PCDH17: variants seen among roughly 807,000 people sequenced by gnomAD.
PCDH17 encodes the protein protocadherin-17.
Under a neutral mutation model 67.7 loss-of-function variants are expected in PCDH17, and 21 were observed. The ratio of observed to expected loss-of-function variants is 0.31; its 90% CI spans 0.22 to 0.45. The LOEUF is 0.45. Among genes scored for constraint, PCDH17 ranks in the 20% least tolerant of loss-of-function variants. PCDH17 has a pLI of 1.00. For synonymous variants in PCDH17, 701 were observed against 656.7 expected, an observed-to-expected ratio of 1.07 and a Z score of -1.03; for missense variants, 1,471 against 1,564.8, an observed-to-expected ratio of 0.94 and a Z score of 1.01.
intron 3 of PCDH17, among the ~76,000 whole-genome samples, chr13:57,677,221 C>T (rs1193791498): frequency 6.6e-6 from 1 of 151,566 alleles, no homozygotes; most frequent in Non-Finnish European, 1.5e-5. Flanking sequence ...TCTCTTGGGA[C>T]TTATGAAACC....
At chr13:57,673,710 G>T (rs9591824) in intron 3 of PCDH17, among the ~76,000 whole-genome samples, 32,354 of 151,882 alleles carry the variant, frequency 0.21, 5,566 homozygotes, top group African/African-American at 0.48. Context: ...ACTTAGAAAT[G>T]TTTAAGGACA....
intron 3 of PCDH17, among the ~76,000 whole-genome samples, chr13:57,675,159 A>C (rs1267879210): frequency 6.6e-6 from 1 of 151,890 alleles, no homozygotes; most frequent in Non-Finnish European, 1.5e-5. Context: ...TTGATCCTTT[A>C]ACATATATTG....
chr13:57,666,618 T>G, intron 2 of PCDH17, 43 bp from the exon 3 acceptor site: 1 of 1,602,566 alleles, frequency 6.2e-7, no homozygotes, highest in African/African-American at 1.3e-5. Flanking sequence ...TTCAAACTAG[T>G]AGAGACAACA....
chr13:57,677,302 A>G (rs1955402142), intron 3 of PCDH17, among the ~76,000 whole-genome samples: 2 of 151,898 alleles, frequency 1.3e-5, no homozygotes, highest in Admixed American at 6.6e-5. Context: ...AATGTAGAAA[A>G]TAATGTATTG....
chr13:57,672,172 G>A (rs1408665978), intron 3 of PCDH17, among the ~76,000 whole-genome samples: 3 of 152,110 alleles, frequency 2.0e-5, no homozygotes, highest in Non-Finnish European at 4.4e-5. Context: ...GTGAATTCCA[G>A]TTCTAAAACT....
At chr13:57,655,876 T>A (rs80147956) in intron 1 of PCDH17, among the ~76,000 whole-genome samples, 1 of 136,000 alleles carries the variant, frequency 7.4e-6, no homozygotes, top group African/African-American at 2.8e-5. Flanking sequence ...TGTAAAAAAA[T>A]TTTCAAGGAA....
intron 3 of PCDH17, among the ~76,000 whole-genome samples, chr13:57,718,092 G>C (rs940822113): frequency 1.3e-5 from 2 of 151,894 alleles, no homozygotes; most frequent in Non-Finnish European, 2.9e-5. Flanking sequence ...ACTTGATTAA[G>C]AAACAACATG....
In PCDH17 at chr13:57,633,332, C is replaced by A. The variant is rs142991646; in HGVS notation, c.786C>A (p.Val262=). ...AGAACGCTCCGCTGGGTACAGTGGT[C>A]ATCGATCTGAACGCCACCGACGCCG... ...LPENAPLGTV[V]IDLNATDADE... Residue 262 remains valine, a synonymous_variant, in exon 1 of 4, where the codon GTC becomes GTA. Transcript: ENST00000377918. The surrounding 1 kb of genome is among the most constrained non-coding windows in gnomAD (Gnocchi z 6.2). 3 of 1,613,262 alleles carry A rather than the reference C, an allele frequency of 1.9e-6. No individual in the cohort carries two copies. Among genetic ancestry groups the A allele is most frequent in the East Asian group, 2.2e-5 (1 of 44,846 alleles).
chr13:57,658,241 C>A (rs1341433670), intron 1 of PCDH17, among the ~76,000 whole-genome samples: 2 of 152,108 alleles, frequency 1.3e-5, no homozygotes, highest in Non-Finnish European at 2.9e-5. Context: ...TGCTTCCAGT[C>A]CCATCCAGTG....
At chr13:57,678,099 T>G (rs1955412495) in intron 3 of PCDH17, among the ~76,000 whole-genome samples, 1 of 151,646 alleles carries the variant, frequency 6.6e-6, no homozygotes, top group South Asian at 2.1e-4. Context: ...GCAATATAGT[T>G]TTTAATTAGC....
At chr13:57,685,064 A>G (rs570953452) in intron 3 of PCDH17, among the ~76,000 whole-genome samples, 2 of 152,080 alleles carry the variant, frequency 1.3e-5, no homozygotes, top group Middle Eastern at 3.4e-3. Context: ...TTGGTTCAAC[A>G]TCATACTGAA....
chr13:57,673,062 T>G (rs1432470916), intron 3 of PCDH17, among the ~76,000 whole-genome samples: 1 of 152,020 alleles, frequency 6.6e-6, no homozygotes, highest in East Asian at 1.9e-4. Context: ...TCTTCTAATC[T>G]ATAACTAAGG....
At chr13:57,645,874 A>G (rs1405706659) in intron 1 of PCDH17, among the ~76,000 whole-genome samples, 1 of 151,170 alleles carries the variant, frequency 6.6e-6, no homozygotes, top group Non-Finnish European at 1.5e-5. Flanking sequence ...GGATTACCCA[A>G]CCTCAGTCAG....
At chr13:57,635,187 G>GGA in intron 1 of PCDH17, 76 bp downstream of exon 1, 2 of 1,435,630 alleles carry the variant, frequency 1.4e-6, no homozygotes, top group Admixed American at 2.4e-5. Flanking sequence ...TTGGAACAGG[G>GGA]CAAGCCACTC....
intron 3 of PCDH17, among the ~76,000 whole-genome samples, chr13:57,681,047 G>A (rs190732999): frequency 6.6e-6 from 1 of 151,792 alleles, no homozygotes; most frequent in Admixed American, 6.6e-5. Context: ...GCAAGCAAGT[G>A]CTTTTAAACA....
Position 57,724,798 on chromosome 13 carries a change from A to G in PCDH17, c.2984A>G (p.Lys995Arg). 1.9e-6 allele frequency: 3 copies of G among 1,614,176 alleles called. No homozygotes were observed. Among genetic ancestry groups the G allele is most frequent in the Non-Finnish European group, 2.5e-6 (3 of 1,180,032 alleles). ...TACGAAACTGTGAATCCCACTGGGA[A>G]AAAGACTTTTTGTACATTTGGAAAA... ...ETYETVNPTG[K>R]KTFCTFGKDK... is the part of the protein sequence containing the mutation. Residue 995 changes from lysine to arginine, a missense_variant, in exon 4 of 4, where the codon AAA (lysine) becomes AGA (arginine). Physicochemically the swap from Lys to Arg is conservative, Grantham distance 26 (BLOSUM62 2). This residue lies in a region of PCDH17 where 297 missense variants were observed against 298.6 expected (regional missense o/e 0.99). Coordinates refer to ENST00000377918, the MANE Select transcript of PCDH17 (RefSeq NM_001040429.3).
Position 57,655,123 on chromosome 13 carries a change from A to G in PCDH17, c.2566-11345A>G, listed in dbSNP as rs150018959. On this transcript the variant is annotated intron_variant, in intron 1 of 3. Transcript: ENST00000377918. ...CCTATCAAGAGTTAAAAGAAAAACA[A>G]TAGGCATTGTGTCAGTCCATTTCAT... is the stretch of plus-strand genomic sequence containing the variant. Among the ~76,000 whole-genome samples the G allele has an allele frequency of 2.0e-5, 3 of 152,176 alleles. No individual in the cohort carries two copies. In the East Asian group the frequency reaches 5.8e-4, roughly 29 times the overall value.
rs551558678 is a variant in PCDH17, at chr13:57,655,476, A to T, written c.2566-10992A>T. Among the ~76,000 whole-genome samples, 5 of 152,040 alleles carry T rather than the reference A, an allele frequency of 3.3e-5. No homozygotes were observed. The East Asian group carries it at 9.7e-4, about 29-fold the overall frequency. ...ATATGTTTGGATCACCTTTTAAATTAGTTATTTTGTTTGTGTGTGGGAATT... is the reference window on the plus strand; with the variant it reads ...ATATGTTTGGATCACCTTTTAAATTTGTTATTTTGTTTGTGTGTGGGAATT... On this transcript the variant is annotated intron_variant, in intron 1 of 3. Coordinates refer to ENST00000377918, the MANE Select transcript of PCDH17 (RefSeq NM_001040429.3).
chr13:57,645,795 G>T (rs1473117521), intron 1 of PCDH17, among the ~76,000 whole-genome samples: 1 of 150,868 alleles, frequency 6.6e-6, no homozygotes, highest in African/African-American at 2.4e-5. Context: ...CCCACTCTTT[G>T]GTCTGGTTTA....
Sources: allele counts gnomAD v4.1 joint callset (sites outside exome capture counted in the v4.1 genomes callset), GRCh38; gene constraint gnomAD v4.1.1; regional missense constraint gnomAD v4.1.1; non-coding constraint Gnocchi (gnomAD v3.1); transcripts MANE v1.5; gene names NCBI Gene and HGNC (gene_info 2026-07-23, HGNC 2026-07-21).